The following SMAP2 variants were observed in gnomAD, a reference collection of about 807,000 sequenced individuals.
SMAP2 encodes the protein stromal membrane-associated protein 2.
Under a neutral mutation model 56.4 loss-of-function variants are expected in SMAP2, and 25 were observed. The ratio of observed to expected loss-of-function variants is 0.44; its 90% confidence interval spans 0.32 to 0.62. The LOEUF (loss-of-function observed/expected upper bound fraction) is 0.62. Among genes scored for constraint, SMAP2 ranks in the 20% least tolerant of loss-of-function variants. The pLI is 0.04. For missense variants in SMAP2, 388 were observed against 545.6 expected, an observed-to-expected ratio of 0.71 and a Z score of 2.88; for synonymous variants, 157 against 181.7, an observed-to-expected ratio of 0.86 and a Z score of 1.09.
At chr1:40,356,485 A>G (rs1644437006) in intron 1 of SMAP2, among the ~76,000 whole-genome samples, 1 of 145,788 alleles carries the variant, frequency 6.9e-6, no homozygotes, top group Non-Finnish European at 1.5e-5. Context: ...ATCTCAGCTT[A>G]CTGCAAGCTC....
intron 1 of SMAP2, among the ~76,000 whole-genome samples, chr1:40,395,417 C>T (rs1644760949): frequency 6.6e-6 from 1 of 152,138 alleles, no homozygotes; most frequent in Non-Finnish European, 1.5e-5. Flanking sequence ...CCCAGTGGCT[C>T]ATGCCTGTAA....
At chr1:40,406,689 T>C in intron 1 of SMAP2, 47 bp from the exon 2 acceptor site, 2 of 1,567,650 alleles carry the variant, frequency 1.3e-6, no homozygotes, top group Non-Finnish European at 1.7e-6. Context: ...GTTTAGGCCT[T>C]GAATGTTGTA....
intron 1 of SMAP2, among the ~76,000 whole-genome samples, chr1:40,358,926 A>C (rs574700680): frequency 6.6e-6 from 1 of 152,240 alleles, no homozygotes; most frequent in South Asian, 2.1e-4. Flanking sequence ...AGATATATAC[A>C]TCCTCTTGCT....
chr1:40,375,816 G>T, intron 1 of SMAP2: 1 of 935,724 alleles, frequency 1.1e-6, no homozygotes, highest in Non-Finnish European at 1.2e-6. Flanking sequence ...ATGCCATTTT[G>T]GTGACTAGAA....
At chr1:40,349,505 C>A (rs935174146) in intron 1 of SMAP2, among the ~76,000 whole-genome samples, 4 of 151,998 alleles carry the variant, frequency 2.6e-5, no homozygotes, top group African/African-American at 9.7e-5. Flanking sequence ...AAATTATTTT[C>A]TTTTTCCTTC....
chr1:40,396,782 A>T, intron 1 of SMAP2: 1 of 919,970 alleles, frequency 1.1e-6, no homozygotes. Context: ...AGAGGTAAAC[A>T]TACCTCTCAG....
intron 1 of SMAP2, among the ~76,000 whole-genome samples, chr1:40,392,550 C>T (rs1644726704): frequency 6.6e-6 from 1 of 152,154 alleles, no homozygotes; most frequent in Non-Finnish European, 1.5e-5. Context: ...TCCTCCCTCC[C>T]CTATTCAGAG....
upstream of SMAP2, among the ~76,000 whole-genome samples, chr1:40,372,730 T>G (rs78548763): frequency 7.2e-4 from 110 of 152,330 alleles, no homozygotes; most frequent in African/African-American, 2.4e-3. Flanking sequence ...TTTAGATAAC[T>G]CTTAGCATCT....
Position 40,419,719 on chromosome 1 carries a change from A to G in SMAP2, c.1165-2257A>G, listed in dbSNP as rs140747464. ...TTCTATCAAAAGAAAATGATGTTCA[A>G]ATTGGCTAACAAAGCAACACTAGTT... is the stretch of plus-strand genomic sequence containing the variant. On this transcript the variant is annotated intron_variant, in intron 9 of 9. Transcript: ENST00000372718. Among the ~76,000 whole-genome samples the G allele has an allele frequency of 1.6e-3, 249 of 152,364 alleles. 1 individual carries two copies. The highest frequency in any genetic ancestry group is 3.4e-3 in the Middle Eastern group (1 of 294).
intron 2 of SMAP2, among the ~76,000 whole-genome samples, chr1:40,407,094 G>T (rs960238824): frequency 1.3e-5 from 2 of 152,092 alleles, no homozygotes; most frequent in African/African-American, 4.8e-5. Context: ...ATAGTCTACG[G>T]TCTAGGATTC....
At chr1:40,366,132 C>T (rs9439023) in intron 2 of SMAP2, among the ~76,000 whole-genome samples, 80,551 of 150,624 alleles carry the variant, frequency 0.53, 22,601 homozygotes, top group African/African-American at 0.69. Flanking sequence ...TGAAATGAAG[C>T]GAGAAGGGAA....
rs192629963 is a variant in SMAP2 at position 40,398,872 on chromosome 1, G to A, written c.104-7864G>A. Reference sequence around the variant, plus strand: ...TATGTTCAAGGAACCATGCTATGCCGTGAGTATATGATAGTGAATGTTACA... The same window carrying A: ...TATGTTCAAGGAACCATGCTATGCCATGAGTATATGATAGTGAATGTTACA... On this transcript the variant is annotated intron_variant, in intron 1 of 9. Coordinates refer to ENST00000372718, the MANE Select transcript of SMAP2 (RefSeq NM_022733.3). Among the ~76,000 whole-genome samples the A allele has an allele frequency of 9.7e-4, 148 of 152,322 alleles. 1 individual carries two copies. Among genetic ancestry groups the A allele is most frequent in the African/African-American group, 3.2e-3 (135 of 41,566 alleles).
chr1:40,406,158 A>G (rs1420920530), intron 1 of SMAP2, among the ~76,000 whole-genome samples: 1 of 152,188 alleles, frequency 6.6e-6, no homozygotes, highest in Admixed American at 6.5e-5. Context: ...CATCACCACT[A>G]AAACGTCTCT....
chr1:40,364,374 G>T (rs1374384055), intron 2 of SMAP2, among the ~76,000 whole-genome samples: 2 of 152,182 alleles, frequency 1.3e-5, no homozygotes, highest in Non-Finnish European at 2.9e-5. Flanking sequence ...AGGATTGTTT[G>T]AGGCCAGGAG....
At chr1:40,348,497 C>T (rs1401294319) in intron 1 of SMAP2, among the ~76,000 whole-genome samples, 2 of 152,048 alleles carry the variant, frequency 1.3e-5, no homozygotes, top group African/African-American at 4.8e-5. Flanking sequence ...GAGTTTGAGA[C>T]CAGCCTGGCC....
At chr1:40,419,907 G>A (rs2124383893) in intron 9 of SMAP2, among the ~76,000 whole-genome samples, 1 of 152,214 alleles carries the variant, frequency 6.6e-6, no homozygotes, top group African/African-American at 2.4e-5. Context: ...TTATGTTTTT[G>A]TTTCTCTGTG....
At chr1:40,366,244 A>T (rs1644480650) in intron 2 of SMAP2, among the ~76,000 whole-genome samples, 1 of 150,216 alleles carries the variant, frequency 6.7e-6, no homozygotes, top group African/African-American at 2.4e-5. Flanking sequence ...CCTGAAAGTG[A>T]TGGGGAGAAT....
At chr1:40,379,027 T>G (rs1317444432) in intron 1 of SMAP2, among the ~76,000 whole-genome samples, 1 of 151,506 alleles carries the variant, frequency 6.6e-6, no homozygotes, top group Non-Finnish European at 1.5e-5. Flanking sequence ...TTGCCCAGGC[T>G]GGCGTGCGAT....
intron 1 of SMAP2, among the ~76,000 whole-genome samples, chr1:40,387,466 AT>A (rs1557833036): frequency 6.6e-6 from 1 of 152,186 alleles, no homozygotes; most frequent in Non-Finnish European, 1.5e-5. Context: ...TACCAAGGGG[AT>A]TCTCTGGGTT....
Sources: gnomAD v4.1 joint callset for allele counts (sites outside exome capture counted in the v4.1 genomes callset) on GRCh38, gnomAD v4.1.1 for gene constraint, MANE v1.5 for transcripts, NCBI Gene and HGNC (gene_info 2026-07-23, HGNC 2026-07-21) for gene names.